MKLN1: variants seen among roughly 807,000 people sequenced by gnomAD.
MKLN1 encodes the protein muskelin.
In MKLN1, 18 loss-of-function variants were observed where a neutral mutation model predicts 99.0. That is an observed-to-expected ratio of 0.18 (90% CI 0.13 to 0.27). The LOEUF (loss-of-function observed/expected upper bound fraction) is 0.27, where lower values mean the gene tolerates loss of function less well. Among genes scored for constraint, MKLN1 ranks in the 10% least tolerant of loss-of-function variants. The pLI, the probability that MKLN1 is intolerant of heterozygous loss-of-function variation, is 1.00. For missense variants in MKLN1, 621 were observed against 875.9 expected (o/e 0.71, Z 3.67); for synonymous variants, 288 against 293.2 (o/e 0.98, Z 0.18).
At chr7:131,258,165 C>G (rs1752176198) in intron 3 of MKLN1, among the ~76,000 whole-genome samples, 1 of 148,560 alleles carries the variant, frequency 6.7e-6, no homozygotes. Context: ...TTTGAGAGGA[C>G]ACCACCACAG....
intron 3 of MKLN1, among the ~76,000 whole-genome samples, chr7:131,238,278 C>G (rs1797353950): frequency 6.6e-6 from 1 of 152,166 alleles, no homozygotes; most frequent in African/African-American, 2.4e-5. Context: ...AAGTAATGTT[C>G]TAATAATTCA....
intron 3 of MKLN1, among the ~76,000 whole-genome samples, chr7:131,286,522 G>A (rs1798134779): frequency 6.6e-6 from 1 of 152,082 alleles, no homozygotes; most frequent in South Asian, 2.1e-4. Flanking sequence ...ACAAAAAATT[G>A]TTTCCAGGAA....
At chr7:131,357,366 C>T (rs1799912773) in intron 1 of MKLN1, among the ~76,000 whole-genome samples, 1 of 152,138 alleles carries the variant, frequency 6.6e-6, no homozygotes, top group Non-Finnish European at 1.5e-5. Context: ...CCCTTGATCA[C>T]CTCCCTGAGG....
chr7:131,397,128 C>T (rs1794383599), intron 4 of MKLN1, 139 bp from the exon 5 acceptor site: 1 of 589,650 alleles, frequency 1.7e-6, no homozygotes, highest in Admixed American at 3.2e-5. Flanking sequence ...AGCCTTAGCA[C>T]CATGCTAGTC....
intron 6 of MKLN1, among the ~76,000 whole-genome samples, chr7:131,404,009 T>C (rs892182208): frequency 6.6e-6 from 1 of 152,220 alleles, no homozygotes; most frequent in African/African-American, 2.4e-5. Flanking sequence ...ATTATCTTAA[T>C]TGATTTTCTG....
intron 7 of MKLN1, among the ~76,000 whole-genome samples, 162 bp from the exon 8 acceptor site, chr7:131,414,482 AT>A (rs1383955908): frequency 6.6e-6 from 1 of 152,126 alleles, no homozygotes; most frequent in Non-Finnish European, 1.5e-5. Context: ...ATAAACACAG[AT>A]TTGAGTCATA....
chr7:131,142,864 ACATTC>A, exon 2 of MKLN1: 1 of 1,286,822 alleles, frequency 7.8e-7, no homozygotes, highest in Non-Finnish European at 1.0e-6. Flanking sequence ...GATCATCCAA[ACATTC>A]CATCCTCCTG....
At chr7:131,163,791 C>G (rs1336309509) in intron 2 of MKLN1, among the ~76,000 whole-genome samples, 1 of 152,204 alleles carries the variant, frequency 6.6e-6, no homozygotes, top group Non-Finnish European at 1.5e-5. Flanking sequence ...GTGTGTATAT[C>G]ATTAATGCTA....
chr7:131,358,341 A>G (rs1285719115), intron 1 of MKLN1, among the ~76,000 whole-genome samples: 1 of 152,196 alleles, frequency 6.6e-6, no homozygotes, highest in Non-Finnish European at 1.5e-5. Context: ...TGTGTAATAC[A>G]TTAATTGATT....
At chr7:131,237,752 T>C (rs535040751) in intron 3 of MKLN1, among the ~76,000 whole-genome samples, 1 of 151,974 alleles carries the variant, frequency 6.6e-6, no homozygotes, top group African/African-American at 2.4e-5. Context: ...GAGATAAGAG[T>C]TCTGGTAACT....
intron 2 of MKLN1, among the ~76,000 whole-genome samples, chr7:131,176,880 A>G (rs1242312093): frequency 2.0e-5 from 3 of 152,218 alleles, no homozygotes; most frequent in Non-Finnish European, 4.4e-5. Context: ...ACAGCCATCA[A>G]TGGCTTCTAC....
At chr7:131,423,130 G>T (rs527543996) in intron 8 of MKLN1, among the ~76,000 whole-genome samples, 1 of 152,044 alleles carries the variant, frequency 6.6e-6, no homozygotes, top group Non-Finnish European at 1.5e-5. Context: ...CTCTCATTAC[G>T]TTCTGAGAAC....
chr7:131,157,624 CCAA>C (rs1795988636), intron 2 of MKLN1, among the ~76,000 whole-genome samples: 1 of 152,120 alleles, frequency 6.6e-6, no homozygotes, highest in African/African-American at 2.4e-5. Context: ...AATATCATCA[CCAA>C]CATTATCATT....
At chr7:131,227,813 G>A (rs6972248) in intron 3 of MKLN1, among the ~76,000 whole-genome samples, 13,849 of 151,982 alleles carry the variant, frequency 0.091, 719 homozygotes, top group Middle Eastern at 0.12. Flanking sequence ...GAATCTGCCC[G>A]CCTCAGCCTC....
chr7:131,113,647 C>A (rs767712163), intron 1 of MKLN1, among the ~76,000 whole-genome samples: 5 of 148 alleles, frequency 0.034, no homozygotes, highest in Non-Finnish European at 0.019. Context: ...CATGGTGAAA[C>A]CCCTGTCTCT....
Position 131,335,170 on chromosome 7 carries a change from T to C in MKLN1, c.98+7173T>C, listed in dbSNP as rs190527663. On this transcript the variant is annotated intron_variant, in intron 1 of 17. Coordinates refer to ENST00000352689, the MANE Select transcript of MKLN1 (RefSeq NM_013255.5). The stretch of plus-strand genomic sequence containing the variant: ...AATATTTTTTAACATCTTTGCACAT[T>C]GGGAAGATGTTTCAGTTAGAAAATT... Among the ~76,000 whole-genome samples, 66 of 152,258 alleles carry C rather than the reference T, an allele frequency of 4.3e-4. No individual in the cohort carries two copies. In the East Asian group the frequency reaches 0.01, roughly 23 times the overall value.
chr7:131,459,905 T>G (rs1252512342), intron 12 of MKLN1, among the ~76,000 whole-genome samples: 1 of 152,178 alleles, frequency 6.6e-6, no homozygotes, highest in African/African-American at 2.4e-5. Flanking sequence ...TAATTTGGCT[T>G]CGATGGGTAT....
At chr7:131,341,740 G>GCAA (rs1360267006) in intron 1 of MKLN1, among the ~76,000 whole-genome samples, 1 of 152,212 alleles carries the variant, frequency 6.6e-6, no homozygotes, top group Non-Finnish European at 1.5e-5. Context: ...AACCAAAACA[G>GCAA]CAACAACAAC....
Position 131,487,691 on chromosome 7 carries a change from C to T in MKLN1, c.2171C>T (p.Pro724Leu), listed in dbSNP as rs1382970983. 1.2e-6 allele frequency: 2 copies of T among 1,613,034 alleles called. No individual in the cohort carries two copies. The highest frequency in any genetic ancestry group is 1.3e-5 in the African/African-American group (1 of 74,864). ...LVNFFPDSMT[P>L]PKGNLVDLIT... is the part of the protein sequence containing the mutation. ...AATTTCTTTCCTGACAGCATGACTC[C>T]TCCTAAAGGCAACCTGGTAGACCTC... The change falls in exon 18 of 18, where the codon CCT (proline) becomes CTT (leucine). Residue 724 changes from proline (P) to leucine (L), a missense_variant. By Grantham distance (98) the Pro-to-Leu change is moderately conservative. Coordinates refer to ENST00000352689, the MANE Select transcript of MKLN1 (RefSeq NM_013255.5). The surrounding 1 kb of genome is among the most constrained non-coding windows in gnomAD (Gnocchi z 4.7).
Sources: gnomAD v4.1 joint callset for allele counts (sites outside exome capture counted in the v4.1 genomes callset) on GRCh38, gnomAD v4.1.1 for gene constraint, Gnocchi (gnomAD v3.1) non-coding constraint, MANE v1.5 for transcripts, NCBI Gene and HGNC (gene_info 2026-07-23, HGNC 2026-07-21) for gene names.